The following KIF1A variants were observed in gnomAD, a reference collection of about 807,000 sequenced individuals.
The protein encoded by KIF1A is kinesin-like protein KIF1A.
A neutral mutation model predicts 227.3 loss-of-function variants in KIF1A; 46 were observed. The ratio of observed to expected loss-of-function variants is 0.20; its 90% confidence interval spans 0.16 to 0.26. KIF1A has a LOEUF of 0.26. Ranked by LOEUF, KIF1A falls within the 10% of genes least tolerant of loss-of-function variation. The pLI is 1.00. For missense variants in KIF1A, 1,683 were observed against 2,485.9 expected, an observed-to-expected ratio of 0.68 and a Z score of 6.87; for synonymous variants, 1,022 against 1,012.8, an observed-to-expected ratio of 1.01 and a Z score of -0.17.
chr2:240,749,124 CAAAA>C (rs71049518), intron 28 of KIF1A, among the ~76,000 whole-genome samples: 1 of 132,348 alleles, frequency 7.6e-6, no homozygotes. Flanking sequence ...AGACTTTGTC[CAAAA>C]AAAAAAAAAG....
chr2:240,771,691 G>A (rs1268640581), intron 14 of KIF1A, among the ~76,000 whole-genome samples: 3 of 151,918 alleles, frequency 2.0e-5, no homozygotes, highest in African/African-American at 7.3e-5. Flanking sequence ...ACACACCCCC[G>A]AGCTGTGGGG....
intron 1 of KIF1A, among the ~76,000 whole-genome samples, chr2:240,804,626 GAAA>G (rs2057232246): frequency 6.6e-6 from 1 of 152,134 alleles, no homozygotes; most frequent in Non-Finnish European, 1.5e-5. Context: ...CAGCCTCTGT[GAAA>G]TGGAAGGCTG....
rs981729473 is a variant in KIF1A, at chr2:240,775,500, G to A, written c.958+351C>T. ...CCAGCAAGCAGAGCTCCCAGATCGCGTCCCAGGTCCCCGTGACTGATGGGG... is the reference window on the plus strand; with the variant it reads ...CCAGCAAGCAGAGCTCCCAGATCGCATCCCAGGTCCCCGTGACTGATGGGG... On this transcript the variant is annotated intron_variant, in intron 11 of 48. Transcript: ENST00000498729. The surrounding 1 kb of genome is among the most constrained non-coding windows in gnomAD (Gnocchi z 5.5). Among the ~76,000 whole-genome samples, 6 of 152,318 alleles carry A rather than the reference G, an allele frequency of 3.9e-5. No homozygotes were observed. Among genetic ancestry groups the A allele is most frequent in the South Asian group, 2.1e-4 (1 of 4,828 alleles).
chr2:240,820,341 G>T (rs2058644392), upstream of KIF1A: 1 of 151,408 alleles, frequency 6.6e-6, no homozygotes, highest in Admixed American at 6.6e-5. The surrounding 1 kb of genome is among the most constrained non-coding windows in gnomAD (Gnocchi z 6.2). Flanking sequence ...TGTCGCGCGG[G>T]GAGAGGGACG....
intron 27 of KIF1A, among the ~76,000 whole-genome samples, chr2:240,756,894 T>G (rs2049905894): frequency 6.6e-6 from 1 of 152,198 alleles, no homozygotes; most frequent in Non-Finnish European, 1.5e-5. Context: ...GCATCCTGCT[T>G]GGGGGCGGCT....
At position 240,716,249 on chromosome 2, in the gene KIF1A, A is replaced by G. The variant is rs1559469990; in HGVS notation, c.*1115T>C. ...ACAGAAACTCTCTGCCCTGGGAACA[A>G]AGAGAGGAAAGTCTTTGCAAGAAAC... On this transcript the variant is annotated 3_prime_UTR_variant, in exon 49 of 49. Coordinates refer to ENST00000498729, the MANE Select transcript of KIF1A (RefSeq NM_001244008.2). 1 of 152,244 alleles carries G rather than the reference A, an allele frequency of 6.6e-6. No homozygotes were observed. The allele number at this position is 152,244 out of a possible 1,614,324, so 9.4% of individuals were successfully genotyped here.
At position 240,725,178 on chromosome 2, in the gene KIF1A, G is replaced by T; in HGVS notation, c.4256+93C>A. On this transcript the variant is annotated intron_variant, in intron 40 of 48. Transcript: ENST00000498729. The surrounding 1 kb of genome is among the most constrained non-coding windows in gnomAD (Gnocchi z 5.8). ...GGGCCTCGCACAGGGTGAGCTGCCG[G>T]GTGGCCCAAGGACCGCTGCCAGGCA... 1 of 1,376,100 alleles carries T rather than the reference G, an allele frequency of 7.3e-7. No homozygotes were observed. Among genetic ancestry groups the T allele is most frequent in the Non-Finnish European group, 9.9e-7 (1 of 1,006,514 alleles). The allele number at this position is 1,376,100 out of a possible 1,614,324, so 85.2% of individuals were successfully genotyped here.
At position 240,758,351 on chromosome 2, in the gene KIF1A, G is replaced by T. The variant is rs1347203104; in HGVS notation, c.2582+9C>A. ...TCTCTCTCTGCCAAGGAAGGGAGGA[G>T]GCGCCCACCTGCCCACCAGCCGGAA... is the stretch of plus-strand genomic sequence containing the variant. On this transcript the variant is annotated intron_variant, in intron 26 of 48. Transcript: ENST00000498729. The surrounding 1 kb of genome is among the most constrained non-coding windows in gnomAD (Gnocchi z 5.2). 1.2e-6 allele frequency: 2 copies of T among 1,607,968 alleles called. No homozygotes were observed. Among genetic ancestry groups the T allele is most frequent in the Non-Finnish European group, 1.7e-6 (2 of 1,177,054 alleles).
intron 32 of KIF1A, among the ~76,000 whole-genome samples, chr2:240,744,669 C>T (rs2048378758): frequency 6.6e-6 from 1 of 152,174 alleles, no homozygotes; most frequent in South Asian, 2.1e-4. Context: ...AGGATAGAGG[C>T]CTAAGAAGGG....
intron 27 of KIF1A, among the ~76,000 whole-genome samples, chr2:240,754,697 G>C (rs2049622180): frequency 6.6e-6 from 1 of 152,130 alleles, no homozygotes; most frequent in African/African-American, 2.4e-5. Context: ...CATCAGTTGG[G>C]AACCAGAGCG....
In KIF1A at chr2:240,763,281, C is replaced by G; in HGVS notation, c.1834G>C (p.Glu612Gln). ...RFNHPEQARQERERTPCAETP... is the reference protein window; with the variant it reads ...RFNHPEQARQQRERTPCAETP... Reference sequence around the variant, plus strand: ...TCCGCACAAGGCGTGCGCTCACGCTCCTGCCGGGCCTGCTCGGGGTGGTTG... The same window carrying G: ...TCCGCACAAGGCGTGCGCTCACGCTGCTGCCGGGCCTGCTCGGGGTGGTTG... The change falls in exon 21 of 49, where the codon GAG becomes CAG. Residue 612 changes from glutamate (E) to glutamine (Q), a missense_variant. Transcript: ENST00000498729. 1 of 1,607,564 alleles carries G rather than the reference C, an allele frequency of 6.2e-7. No homozygotes were observed. The highest frequency in any genetic ancestry group is 2.2e-5 in the East Asian group (1 of 44,538).
At chr2:240,728,480 C>A in intron 38 of KIF1A, 1 of 1,059,522 alleles carries the variant, frequency 9.4e-7, no homozygotes, top group Non-Finnish European at 1.3e-6. Flanking sequence ...AGAACAAGCA[C>A]CGGCACAAGG....
chr2:240,805,026 G>T (rs571075693), intron 1 of KIF1A, among the ~76,000 whole-genome samples: 10 of 137,986 alleles, frequency 7.2e-5, no homozygotes, highest in African/African-American at 2.7e-4. Context: ...GGAAGGGAAG[G>T]GGAGGGGAGG....
intron 27 of KIF1A, among the ~76,000 whole-genome samples, chr2:240,751,437 C>G (rs943825084): frequency 6.6e-6 from 1 of 152,154 alleles, no homozygotes; most frequent in Non-Finnish European, 1.5e-5. Context: ...TGAGACTCAG[C>G]GGGCTGTGAA....
intron 44 of KIF1A, among the ~76,000 whole-genome samples, chr2:240,721,515 A>T (rs375354810): frequency 7.4e-4 from 112 of 152,304 alleles, no homozygotes; most frequent in African/African-American, 2.5e-3. Context: ...CCACAGGGTG[A>T]TGGCCAGACA....
At position 240,726,696 on chromosome 2, in the gene KIF1A, C is replaced by T; in HGVS notation, c.4122+130G>A. 2.1e-6 allele frequency: 1 copy of T among 480,108 alleles called. No homozygotes were observed. Among genetic ancestry groups the T allele is most frequent in the East Asian group, 3.2e-5 (1 of 31,306 alleles). The allele number at this position is 480,108 out of a possible 1,614,324, so 29.7% of individuals were successfully genotyped here. A position where few individuals can be genotyped will look rare whatever the true frequency, so the allele number is the denominator to read the frequency against. ...TTGTTTTTGTTTTTTAAAAGGCACA[C>T]AAATTTAACCCAGGGACTTGAGAAC... On this transcript the variant is annotated intron_variant, in intron 39 of 48. Coordinates refer to ENST00000498729, the MANE Select transcript of KIF1A (RefSeq NM_001244008.2). The surrounding 1 kb of genome is among the most constrained non-coding windows in gnomAD (Gnocchi z 5.2).
intron 2 of KIF1A, among the ~76,000 whole-genome samples, chr2:240,794,667 A>G (rs79520531): frequency 0.017 from 2,618 of 152,320 alleles, 23 homozygotes; most frequent in Non-Finnish European, 0.026. Context: ...ACCTTTGACC[A>G]CTTGCTGGAT....
chr2:240,756,150 G>A (rs78879981), intron 27 of KIF1A, among the ~76,000 whole-genome samples: 1 of 152,246 alleles, frequency 6.6e-6, no homozygotes, highest in Non-Finnish European at 1.5e-5. Context: ...AGTAAAGCCC[G>A]TGTAAACCCT....
intron 29 of KIF1A, 104 bp downstream of exon 29, chr2:240,747,132 G>A (rs763858480): frequency 2.0e-5 from 15 of 756,656 alleles, no homozygotes; most frequent in Admixed American, 6.6e-5. Flanking sequence ...AGAGGACTCA[G>A]GGCCCGTGGG....
Sources: allele counts gnomAD v4.1 joint callset (sites outside exome capture counted in the v4.1 genomes callset), GRCh38; gene constraint gnomAD v4.1.1; non-coding constraint Gnocchi (gnomAD v3.1); transcripts MANE v1.5; gene names NCBI Gene and HGNC (gene_info 2026-07-23, HGNC 2026-07-21).